Variants in CD36 observed in about 807,000 individuals in gnomAD.
CD36 encodes platelet glycoprotein 4.
CD36 carries 119 observed loss-of-function variants against 55.2 expected under a neutral mutation model. The ratio of observed to expected loss-of-function variants is 2.15; its 90% confidence interval spans 1.86 to 2.51. The LOEUF (loss-of-function observed/expected upper bound fraction) is 2.51, where lower values mean the gene tolerates loss of function less well. Ranked by LOEUF, CD36 falls within the 30% of genes most tolerant of loss-of-function variation. The pLI, the probability that CD36 is intolerant of heterozygous loss-of-function variation, is 0.00. For synonymous variants in CD36, 186 were observed against 193.6 expected (o/e 0.96, Z 0.33); for missense variants, 819 against 555.5 (o/e 1.47, Z -4.77).
chr7:80,666,485 TACAGGTAAGA>T lies in CD36; in HGVS notation c.746_748+7del, dbSNP rs1464772289. On this transcript the variant is annotated splice_donor_variant and splice_donor_5th_base_variant and coding_sequence_variant and intron_variant, in exon 8 of 15. Transcript: ENST00000447544. LOFTEE classifies it high-confidence loss of function. The stretch of plus-strand genomic sequence containing the variant: ...AAAGTCACTGCGACATGATTAATGG[TACAGGTAAGA>T]ATATTTGTTTTGTGGTCATCACAGT... 6.2e-7 allele frequency: 1 copy of T among 1,606,294 alleles called. No individual in the cohort carries two copies. The highest frequency in any genetic ancestry group is 1.3e-5 in the African/African-American group (1 of 74,798).
At position 80,646,798 on chromosome 7, in the gene CD36, G is replaced by T; in HGVS notation, c.58G>T (p.Ala20Ser). The T allele has an allele frequency of 6.2e-7, 1 of 1,613,982 alleles. No homozygotes were observed. Among genetic ancestry groups the T allele is most frequent in the Non-Finnish European group, 8.5e-7 (1 of 1,179,928 alleles). ...TGGGGCTGTCATTGGTGCTGTCCTG[G>T]CTGTGTTTGGAGGTATTCTAATGCC... ...IAGAVIGAVL[A>S]VFGGILMPVG... Residue 20 changes from alanine to serine, a missense_variant, in exon 3 of 15, where the codon GCT becomes TCT. Coordinates refer to ENST00000447544, the MANE Select transcript of CD36 (RefSeq NM_001001548.3).
rs1798188336 is a variant in CD36, at chr7:80,677,087, A to C, written c.*704A>C. ...TTCTCTCTGAAGTATATTTTATCTG[A>C]ATCCACATTTCTTTATAAATCCATA... is the stretch of plus-strand genomic sequence containing the variant. On this transcript the variant is annotated 3_prime_UTR_variant, in exon 15 of 15. Transcript: ENST00000447544. 6.6e-6 allele frequency: 1 copy of C among 152,276 alleles called. No individual in the cohort carries two copies. The highest frequency in any genetic ancestry group is 1.9e-4 in the East Asian group (1 of 5,182). The allele number at this position is 152,276 out of a possible 1,614,324, so 9.4% of individuals were successfully genotyped here.
chr7:80,650,929 A>G lies in CD36; in HGVS notation c.120+4069A>G, dbSNP rs201043351. Among the ~76,000 whole-genome samples the G allele has an allele frequency of 2.7e-5, 4 of 149,238 alleles. No homozygotes were observed. In the Admixed American group the frequency reaches 2.8e-4, roughly 10 times the overall value. On this transcript the variant is annotated intron_variant, in intron 3 of 14. Coordinates refer to ENST00000447544, the MANE Select transcript of CD36 (RefSeq NM_001001548.3). ...GCCAGCAAGTTTATGCAGTCTTTCA[A>G]AAAAAAAAAAAAAACTAAAAATCAA...
chr7:80,670,020 C>G lies in CD36; in HGVS notation c.816C>G (p.Cys272Trp), dbSNP rs374934864. 2.5e-6 allele frequency: 4 copies of G among 1,589,742 alleles called. No individual in the cohort carries two copies. In the African/African-American group the frequency reaches 5.4e-5, roughly 21 times the overall value. Residue 272 changes from cysteine to tryptophan, a missense_variant and splice_region_variant, in exon 9 of 15, where the codon TGC (cysteine) becomes TGG (tryptophan). Cys to Trp is a radical substitution (Grantham distance 215). Coordinates refer to ENST00000447544, the MANE Select transcript of CD36 (RefSeq NM_001001548.3). ...TGCAGTTCTTTTCTTCTGATATTTG[C>G]AGGTAAGACAGATACTGAAGTATAA... ...QVLQFFSSDICRSIYAVFESD... is the reference protein window; with the variant it reads ...QVLQFFSSDIWRSIYAVFESD...
intron 1 of CD36, among the ~76,000 whole-genome samples, chr7:80,604,440 T>C (rs1219631634): frequency 7.1e-6 from 1 of 140,646 alleles, no homozygotes; most frequent in Non-Finnish European, 1.5e-5. Context: ...CATTTCTTTA[T>C]GGAAAAGGGT....
In CD36 at chr7:80,638,884, T is replaced by A. The variant is rs1244126922; in HGVS notation, c.-184+138T>A. On this transcript the variant is annotated intron_variant, in intron 1 of 14. Coordinates refer to ENST00000447544, the MANE Select transcript of CD36 (RefSeq NM_001001548.3). ...ACAGGAAAAAAGGTAGTAACTGTTT[T>A]CTTAGTCACTAGGCTTTATCTAAAA... 3 of 152,140 alleles carry A rather than the reference T, an allele frequency of 2.0e-5. No homozygotes were observed. The East Asian group carries it at 5.8e-4, about 29-fold the overall frequency. The allele number at this position is 152,140 out of a possible 1,614,324, so 9.4% of individuals were successfully genotyped here. A position where few individuals can be genotyped will look rare whatever the true frequency, so the allele number is the denominator to read the frequency against.
chr7:80,612,957 A>C (rs1792956613), intron 1 of CD36, among the ~76,000 whole-genome samples: 1 of 152,166 alleles, frequency 6.6e-6, no homozygotes, highest in Non-Finnish European at 1.5e-5. Context: ...GTGATTGAAT[A>C]ATATTCCATA....
In CD36 at chr7:80,676,941, T is replaced by C. The variant is rs143423848; in HGVS notation, c.*558T>C. On this transcript the variant is annotated 3_prime_UTR_variant, in exon 15 of 15. Coordinates refer to ENST00000447544, the MANE Select transcript of CD36 (RefSeq NM_001001548.3). Reference sequence around the variant, plus strand: ...GTAGACTATGCATTGTTATTCATTATAATATTTTTTGCTGTCATAATCGCC... The same window carrying C: ...GTAGACTATGCATTGTTATTCATTACAATATTTTTTGCTGTCATAATCGCC... 2.6e-5 allele frequency: 4 copies of C among 152,314 alleles called. No individual in the cohort carries two copies. The East Asian group carries it at 7.7e-4, about 29-fold the overall frequency. 9.4% of individuals were successfully genotyped at this position (152,314 alleles called of 1,614,324 possible).
Position 80,614,891 on chromosome 7 carries a change from GT to G in CD36, c.-184+12519del, listed in dbSNP as rs945792962. ...GTCCTTTGTTCCTTTGACCTTTTGT[GT>G]TTTTTTCCCCTCTGCTTGCATAGGG... On this transcript the variant is annotated intron_variant, in intron 1 of 13. Coordinates refer to the CD36 transcript ENST00000309881. Among the ~76,000 whole-genome samples the G allele has an allele frequency of 1.3e-4, 20 of 152,044 alleles. No individual in the cohort carries two copies. The East Asian group carries it at 1.9e-3, about 15-fold the overall frequency.
chr7:80,675,619 T>TA (rs1298423155), intron 14 of CD36, among the ~76,000 whole-genome samples: 1 of 152,146 alleles, frequency 6.6e-6, no homozygotes, highest in Non-Finnish European at 1.5e-5. Context: ...AAGCAGAGAA[T>TA]AAACTGTTGA....
Position 80,646,645 on chromosome 7 carries a change from A to T in CD36, c.-89-7A>T, listed in dbSNP as rs1795188142. The T allele has an allele frequency of 3.1e-5, 44 of 1,431,414 alleles. 1 individual carries two copies. In the South Asian group the frequency reaches 5.0e-4, roughly 16 times the overall value. 88.7% of individuals were successfully genotyped at this position (1,431,414 alleles called of 1,614,324 possible). The stretch of plus-strand genomic sequence containing the variant: ...GCTTCTGTTTTATGATCTCTTTCTA[A>T]TGATAGAACCAGAGCTTGTAGAAAC... On this transcript the variant is annotated splice_region_variant and splice_polypyrimidine_tract_variant and intron_variant, in intron 2 of 14. Coordinates refer to ENST00000447544, the MANE Select transcript of CD36 (RefSeq NM_001001548.3).
chr7:80,668,480 T>C (rs1448484381), intron 8 of CD36, among the ~76,000 whole-genome samples: 1 of 152,194 alleles, frequency 6.6e-6, no homozygotes, highest in East Asian at 1.9e-4. Flanking sequence ...TTTACCTTCT[T>C]CAGTAAGTTT....
chr7:80,672,878 C>G (rs1797844941), intron 12 of CD36, 35 bp downstream of exon 12: 1 of 1,344,822 alleles, frequency 7.4e-7, no homozygotes, highest in African/African-American at 1.4e-5. Context: ...TTGATATGAT[C>G]TGTAGTATCG....
At chr7:80,623,617 A>T (rs1195802964) in intron 1 of CD36, among the ~76,000 whole-genome samples, 1 of 152,214 alleles carries the variant, frequency 6.6e-6, no homozygotes, top group Non-Finnish European at 1.5e-5. Flanking sequence ...ATAAACAGCT[A>T]TTATAAGCCT....
rs1796088459 is a variant in CD36 at position 80,656,536 on chromosome 7, A to ATAG, written c.121-3_121-1dup. 1 of 1,613,128 alleles carries ATAG rather than the reference A, an allele frequency of 6.2e-7. No individual in the cohort carries two copies. Among genetic ancestry groups the ATAG allele is most frequent in the African/African-American group, 1.3e-5 (1 of 74,862 alleles). ...ATAACCCAAACTTATTTTCTTTTTC[A>ATAG]TAGCAAGTTGTCCTCGAAGAAGGTA... On this transcript the variant is annotated splice_polypyrimidine_tract_variant and splice_region_variant and intron_variant, in intron 3 of 14. Transcript: ENST00000447544.
At chr7:80,626,449 T>G (rs896074024) in intron 1 of CD36, among the ~76,000 whole-genome samples, 1 of 152,094 alleles carries the variant, frequency 6.6e-6, no homozygotes, top group Non-Finnish European at 1.5e-5. Context: ...ATCTACAGAA[T>G]GTGATTTATG....
At chr7:80,665,031 T>G (rs1796927805) in intron 7 of CD36, among the ~76,000 whole-genome samples, 1 of 152,118 alleles carries the variant, frequency 6.6e-6, no homozygotes, top group Non-Finnish European at 1.5e-5. Flanking sequence ...GCAAATAGTC[T>G]TTAATAATTT....
Position 80,676,787 on chromosome 7 carries a change from TG to T in CD36, c.*406del, listed in dbSNP as rs1798179359. 1 of 151,992 alleles carries T rather than the reference TG, an allele frequency of 6.6e-6. No homozygotes were observed. The allele number at this position is 151,992 out of a possible 1,614,324, so 9.4% of individuals were successfully genotyped here. A position where few individuals can be genotyped will look rare whatever the true frequency, so the allele number is the denominator to read the frequency against. On this transcript the variant is annotated 3_prime_UTR_variant, in exon 15 of 15. Transcript: ENST00000447544. The stretch of plus-strand genomic sequence containing the variant: ...TTCATTCTCTGTTCTGCACCTCTTC[TG>T]GAAATTGAGTAAATTTTGCTTTTTT...
chr7:80,634,327 A>G (rs566834546), upstream of CD36, among the ~76,000 whole-genome samples: 7 of 152,222 alleles, frequency 4.6e-5, no homozygotes, highest in South Asian at 2.1e-4. Context: ...CATTCAATCT[A>G]GAATTACAAT....
Sources: gnomAD v4.1 joint callset for allele counts (sites outside exome capture counted in the v4.1 genomes callset) on GRCh38, gnomAD v4.1.1 for gene constraint, MANE v1.5 for transcripts, NCBI Gene and HGNC (gene_info 2026-07-23, HGNC 2026-07-21) for gene names.